Variants in MBP observed in about 807,000 individuals in gnomAD.
MBP encodes the protein Golli-MBP.
A neutral mutation model predicts 35.8 loss-of-function variants in MBP; 16 were observed. The observed-to-expected ratio is 0.45, with a 90% CI of 0.30 to 0.68. The LOEUF (loss-of-function observed/expected upper bound fraction) is 0.68, where lower values mean the gene tolerates loss of function less well. Ranked by LOEUF, MBP falls within the 30% of genes least tolerant of loss-of-function variation. The pLI is 0.08. For synonymous variants in MBP, 143 were observed against 159.6 expected (o/e 0.90, Z 0.78); for missense variants, 380 against 404.7 (o/e 0.94, Z 0.52).
At chr18:77,046,975 C>G (rs1379872333) in intron 3 of MBP, among the ~76,000 whole-genome samples, 1 of 152,222 alleles carries the variant, frequency 6.6e-6, no homozygotes, top group Non-Finnish European at 1.5e-5. Context: ...AGCTCCACAT[C>G]TTCATGGAGA....
intron 2 of MBP, among the ~76,000 whole-genome samples, chr18:77,072,582 T>C (rs542226943): frequency 6.6e-6 from 1 of 152,368 alleles, no homozygotes; most frequent in African/African-American, 2.4e-5. Flanking sequence ...AAGTGGAAAC[T>C]GCTCTTTGCA....
At chr18:77,007,613 A>G (rs1293176807) in intron 4 of MBP, among the ~76,000 whole-genome samples, 1 of 152,114 alleles carries the variant, frequency 6.6e-6, no homozygotes, top group Non-Finnish European at 1.5e-5. Context: ...CCTTCATTCC[A>G]TAGACATGTA....
intron 4 of MBP, among the ~76,000 whole-genome samples, chr18:76,991,282 C>A (rs1754042010): frequency 6.6e-6 from 1 of 152,104 alleles, no homozygotes; most frequent in Non-Finnish European, 1.5e-5. Flanking sequence ...TCAACAGAAC[C>A]AGAACACTCC....
In MBP at chr18:77,079,968, C is replaced by T. The variant is rs547564424; in HGVS notation, c.52-13583G>A. ...CAACTAGAGTGCAAGAAGCGAGAAT[C>T]AAGTCTACTAGTATTTTATGTGGAT... On this transcript the variant is annotated intron_variant, in intron 2 of 8. Coordinates refer to ENST00000355994, the MANE Select transcript of MBP (RefSeq NM_001025101.2). 6.6e-5 allele frequency among the ~76,000 whole-genome samples: 10 copies of T among 152,298 alleles called. No individual in the cohort carries two copies. The South Asian group carries it at 1.9e-3, about 28-fold the overall frequency.
chr18:76,990,142 T>A, intron 4 of MBP, 82 bp from the exon 5 acceptor site: 1 of 823,872 alleles, frequency 1.2e-6, no homozygotes, highest in South Asian at 1.7e-5. Context: ...GGATCTCTCC[T>A]CCTTTGTAAT....
Position 77,021,815 on chromosome 18 carries a change from C to T in MBP, c.140-4547G>A, listed in dbSNP as rs181047711. 3.8e-4 allele frequency among the ~76,000 whole-genome samples: 58 copies of T among 152,302 alleles called. 1 individual carries two copies. In the East Asian group the frequency reaches 0.011, roughly 28 times the overall value. ...TTAAGCCATCATGAGCACTTGGACT[C>T]CAATGCAGCTCCTTTCTTTATTTCT... is the stretch of plus-strand genomic sequence containing the variant. On this transcript the variant is annotated intron_variant, in intron 3 of 8. Coordinates refer to ENST00000355994, the MANE Select transcript of MBP (RefSeq NM_001025101.2).
intron 4 of MBP, among the ~76,000 whole-genome samples, chr18:76,995,163 A>G (rs368943667): frequency 1.3e-5 from 2 of 152,246 alleles, no homozygotes; most frequent in Admixed American, 1.3e-4. Flanking sequence ...TAAAGCTAAC[A>G]CTAGAAAATG....
At chr18:77,060,448 CTTTT>C (rs74182682) in intron 3 of MBP, among the ~76,000 whole-genome samples, 3 of 97,616 alleles carry the variant, frequency 3.1e-5, no homozygotes, top group African/African-American at 6.2e-5. Flanking sequence ...TCTCTCTCTC[CTTTT>C]TTTTTTTTTT....
At chr18:77,018,748 T>TCATCCATCCATC (rs141460752) in intron 3 of MBP, among the ~76,000 whole-genome samples, 36 of 95,666 alleles carry the variant, frequency 3.8e-4, no homozygotes, top group African/African-American at 1.4e-3. Flanking sequence ...ATCTATCCAC[T>TCATCCATCCATC]CATCCATCCA....
In MBP at chr18:76,984,913, G is replaced by A. The variant is rs1378768919; in HGVS notation, c.751-19C>T. On this transcript the variant is annotated intron_variant, in intron 7 of 8. Coordinates refer to ENST00000355994, the MANE Select transcript of MBP (RefSeq NM_001025101.2). ...CGGCCCCCTGCAAGAGAAGACCACG[G>A]AGCTCAACCTCCACCCGCGGTGCTG... 1 of 1,611,744 alleles carries A rather than the reference G, an allele frequency of 6.2e-7. No homozygotes were observed. Among genetic ancestry groups the A allele is most frequent in the African/African-American group, 1.3e-5 (1 of 74,878 alleles).
At chr18:77,056,022 C>T (rs1033226166) in intron 3 of MBP, among the ~76,000 whole-genome samples, 2 of 152,272 alleles carry the variant, frequency 1.3e-5, no homozygotes, top group Non-Finnish European at 1.5e-5. Flanking sequence ...CACGGCTGAG[C>T]GTGCTGCGCT....
intron 3 of MBP, among the ~76,000 whole-genome samples, chr18:77,028,986 G>A (rs1467077356): frequency 2.7e-5 from 3 of 111,134 alleles, no homozygotes; most frequent in East Asian, 2.7e-4. Context: ...AGGCAGAGAC[G>A]CTCCTCACTT....
intron 4 of MBP, among the ~76,000 whole-genome samples, chr18:77,001,401 G>C (rs1970625852): frequency 6.6e-6 from 1 of 152,262 alleles, no homozygotes; most frequent in East Asian, 1.9e-4. Flanking sequence ...CTCCGCAGCA[G>C]TCCACGGCAG....
chr18:77,023,554 G>A (rs967435784), intron 3 of MBP, among the ~76,000 whole-genome samples: 3 of 152,114 alleles, frequency 2.0e-5, no homozygotes, highest in African/African-American at 7.2e-5. Context: ...TGGACCATCC[G>A]TAAAGGGCTT....
At chr18:77,040,707 C>G (rs1972956605) in intron 3 of MBP, among the ~76,000 whole-genome samples, 1 of 152,160 alleles carries the variant, frequency 6.6e-6, no homozygotes, top group African/African-American at 2.4e-5. Context: ...ATAAATGGTG[C>G]TGGGAAAACT....
chr18:77,045,466 C>T (rs534912550), intron 3 of MBP, among the ~76,000 whole-genome samples: 12 of 152,152 alleles, frequency 7.9e-5, no homozygotes, highest in African/African-American at 2.4e-4. Flanking sequence ...CCCGCTGCAG[C>T]GGCACCTGCC....
intron 4 of MBP, chr18:77,016,606 G>C: frequency 7.1e-7 from 1 of 1,399,686 alleles, no homozygotes; most frequent in Non-Finnish European, 9.3e-7. Flanking sequence ...GCCACACCCC[G>C]GCCACCATCC....
At chr18:77,048,340 G>C (rs977139905) in intron 3 of MBP, among the ~76,000 whole-genome samples, 3 of 152,252 alleles carry the variant, frequency 2.0e-5, no homozygotes, top group African/African-American at 7.2e-5. Context: ...TTAAGGATGT[G>C]GCGGTGGAAG....
intron 2 of MBP, among the ~76,000 whole-genome samples, chr18:77,081,777 C>T (rs368076787): frequency 3.3e-4 from 18 of 55,236 alleles, no homozygotes; most frequent in African/African-American, 9.0e-4. Flanking sequence ...TACACACACA[C>T]ACACACACAC....
Sources: allele counts gnomAD v4.1 joint callset (sites outside exome capture counted in the v4.1 genomes callset), GRCh38; gene constraint gnomAD v4.1.1; transcripts MANE v1.5; gene names NCBI Gene and HGNC (gene_info 2026-07-23, HGNC 2026-07-21).